Variants in EEPD1 observed in about 807,000 individuals in gnomAD.
EEPD1 encodes the protein endonuclease/exonuclease/phosphatase family domain-containing protein 1.
Under a neutral mutation model 46.3 loss-of-function variants are expected in EEPD1, and 17 were observed. That is an observed-to-expected ratio of 0.37 (90% CI 0.25 to 0.55). The LOEUF is 0.55. EEPD1 is among the 20% of genes least tolerant of loss of function. EEPD1 has a pLI of 0.83. For synonymous variants in EEPD1, 313 were observed against 315.6 expected (o/e 0.99, Z 0.09); for missense variants, 673 against 745.6 (o/e 0.90, Z 1.13).
In EEPD1 at chr7:36,299,328, TG is replaced by T. The variant is rs1787580550; in HGVS notation, c.*123del. ...TTTTTATTCTCAGAGCATCAGCACT[TG>T]AGGCCTTGCCCCACGCCTTCTCTGT... On this transcript the variant is annotated 3_prime_UTR_variant, in exon 8 of 8. Coordinates refer to ENST00000242108, the MANE Select transcript of EEPD1 (RefSeq NM_030636.3). 8.3e-7 allele frequency: 1 copy of T among 1,210,764 alleles called. No individual in the cohort carries two copies. The highest frequency in any genetic ancestry group is 1.1e-6 in the Non-Finnish European group (1 of 875,722). The allele number at this position is 1,210,764 out of a possible 1,614,324, so 75.0% of individuals were successfully genotyped here.
chr7:36,217,547 C>A (rs935199819), intron 2 of EEPD1, among the ~76,000 whole-genome samples: 3 of 152,214 alleles, frequency 2.0e-5, no homozygotes, highest in Non-Finnish European at 4.4e-5. Context: ...CTTAGAATGC[C>A]TAACCTCCTG....
At chr7:36,223,183 TAATAATAAG>T (rs1490493497) in intron 2 of EEPD1, among the ~76,000 whole-genome samples, 9 of 140,138 alleles carry the variant, frequency 6.4e-5, no homozygotes, top group African/African-American at 2.1e-4. Context: ...TAAATAAAAG[TAATAATAAG>T]AAATAAATTT....
At chr7:36,229,256 A>G (rs1786278871) in intron 2 of EEPD1, 1 of 152,212 alleles carries the variant, frequency 6.6e-6, no homozygotes, top group African/African-American at 2.4e-5. Flanking sequence ...ATTATATTAT[A>G]AAACAAAACT....
chr7:36,206,046 C>A (rs1331656623), intron 2 of EEPD1, among the ~76,000 whole-genome samples: 1 of 152,208 alleles, frequency 6.6e-6, no homozygotes, highest in Non-Finnish European at 1.5e-5. Context: ...TAGGCCACTG[C>A]CCCATGCCAG....
At chr7:36,240,000 G>T (rs902677993) in intron 3 of EEPD1, among the ~76,000 whole-genome samples, 1 of 152,232 alleles carries the variant, frequency 6.6e-6, no homozygotes, top group Non-Finnish European at 1.5e-5. Context: ...AGGGGGCTAG[G>T]TGAGGTGGCT....
At chr7:36,165,162 A>G (rs1292177499) in intron 2 of EEPD1, among the ~76,000 whole-genome samples, 1 of 152,186 alleles carries the variant, frequency 6.6e-6, no homozygotes. Context: ...ACTCAGAGCA[A>G]CGTCCAGTCC....
At chr7:36,167,572 C>T (rs1254026218) in intron 2 of EEPD1, among the ~76,000 whole-genome samples, 1 of 152,102 alleles carries the variant, frequency 6.6e-6, no homozygotes, top group Non-Finnish European at 1.5e-5. Flanking sequence ...ACACTGCCAC[C>T]CCCACGCAGC....
chr7:36,299,289 G>C lies in EEPD1; in HGVS notation c.*83G>C, dbSNP rs1787580210. On this transcript the variant is annotated 3_prime_UTR_variant, in exon 8 of 8. Coordinates refer to ENST00000242108, the MANE Select transcript of EEPD1 (RefSeq NM_030636.3). Reference sequence around the variant, plus strand: ...CCCTGTGGGGTGACGCTTCAGGGCAGAGCTGCCTTTTAATTTTTATTCTCA... The same window carrying C: ...CCCTGTGGGGTGACGCTTCAGGGCACAGCTGCCTTTTAATTTTTATTCTCA... The C allele has an allele frequency of 2.0e-5, 29 of 1,443,656 alleles. No individual in the cohort carries two copies. The highest frequency in any genetic ancestry group is 2.7e-5 in the Non-Finnish European group (29 of 1,067,796). 89.4% of individuals were successfully genotyped at this position (1,443,656 alleles called of 1,614,324 possible).
At chr7:36,227,337 C>T (rs1786247344) in intron 2 of EEPD1, among the ~76,000 whole-genome samples, 1 of 152,164 alleles carries the variant, frequency 6.6e-6, no homozygotes, top group South Asian at 2.1e-4. Context: ...AAGCTAAATT[C>T]CACAGAGATT....
chr7:36,192,097 TA>T (rs1331062919), intron 2 of EEPD1, among the ~76,000 whole-genome samples: 2 of 152,252 alleles, frequency 1.3e-5, no homozygotes, highest in African/African-American at 4.8e-5. Context: ...GAGTCGAATT[TA>T]AAAGAAGGCA....
intron 6 of EEPD1, among the ~76,000 whole-genome samples, chr7:36,292,600 C>T (rs1243502310): frequency 2.0e-5 from 3 of 151,962 alleles, no homozygotes; most frequent in East Asian, 3.9e-4. Context: ...CTCTGTCTCC[C>T]GGGTTCAAGC....
At chr7:36,284,894 A>G in intron 5 of EEPD1, 74 bp downstream of exon 5, 1 of 1,414,334 alleles carries the variant, frequency 7.1e-7, no homozygotes, top group Middle Eastern at 2.0e-4. Context: ...TCATTTTGTA[A>G]TAGCATGAGT....
intron 2 of EEPD1, among the ~76,000 whole-genome samples, chr7:36,226,020 C>T (rs1786227242): frequency 6.6e-6 from 1 of 152,148 alleles, no homozygotes; most frequent in Admixed American, 6.5e-5. Flanking sequence ...AACTAGAGAG[C>T]AGTTTAAATT....
chr7:36,282,471 G>A (rs939618336), intron 4 of EEPD1, among the ~76,000 whole-genome samples: 1 of 152,226 alleles, frequency 6.6e-6, no homozygotes, highest in East Asian at 1.9e-4. Flanking sequence ...CGCAGGGAGT[G>A]CACAGCCTGT....
At chr7:36,222,231 A>G (rs907056587) in intron 2 of EEPD1, among the ~76,000 whole-genome samples, 1 of 152,226 alleles carries the variant, frequency 6.6e-6, no homozygotes, top group Non-Finnish European at 1.5e-5. Context: ...TATGTACTGT[A>G]TGTTGTATTC....
At position 36,249,271 on chromosome 7, in the gene EEPD1, GTGAAGTTGTGT is replaced by G. The variant is rs549766257; in HGVS notation, c.930+10240_930+10250del. Among the ~76,000 whole-genome samples, 7 of 152,232 alleles carry G rather than the reference GTGAAGTTGTGT, an allele frequency of 4.6e-5. No individual in the cohort carries two copies. The South Asian group carries it at 8.3e-4, about 18-fold the overall frequency. On this transcript the variant is annotated intron_variant, in intron 3 of 7. Transcript: ENST00000242108. ...AAGTTTTAAAGCATGATGTGTAATG[GTGAAGTTGTGT>G]TGAAATCAGTGCCCCCGGCCACTGC...
chr7:36,205,616 GTGA>G, intron 2 of EEPD1, among the ~76,000 whole-genome samples: 1 of 152,358 alleles, frequency 6.6e-6, no homozygotes, highest in African/African-American at 2.4e-5. Context: ...GTGGTGCTAA[GTGA>G]TGATCTGGAA....
intron 2 of EEPD1, among the ~76,000 whole-genome samples, chr7:36,191,424 T>C (rs1785459288): frequency 6.6e-6 from 1 of 152,058 alleles, no homozygotes; most frequent in African/African-American, 2.4e-5. Flanking sequence ...GAGGCTCAGA[T>C]AGAACAAGAG....
chr7:36,197,226 G>C (rs1408918644), intron 2 of EEPD1, among the ~76,000 whole-genome samples: 2 of 148,556 alleles, frequency 1.3e-5, no homozygotes, highest in African/African-American at 5.0e-5. Context: ...CAGCCACCCC[G>C]TCCGGGAGGG....
Sources: gnomAD v4.1 joint callset for allele counts (sites outside exome capture counted in the v4.1 genomes callset) on GRCh38, gnomAD v4.1.1 for gene constraint, MANE v1.5 for transcripts, NCBI Gene and HGNC (gene_info 2026-07-23, HGNC 2026-07-21) for gene names.